Variants in HS6ST3 observed in about 807,000 individuals in gnomAD.
HS6ST3 encodes heparan-sulfate 6-O-sulfotransferase 3.
A neutral mutation model predicts 36.7 loss-of-function variants in HS6ST3; 12 were observed. The ratio of observed to expected loss-of-function variants is 0.33; its 90% confidence interval spans 0.21 to 0.53. The LOEUF is 0.53. Ranked by LOEUF, HS6ST3 falls within the 20% of genes least tolerant of loss-of-function variation. HS6ST3 has a pLI of 0.95. For missense variants in HS6ST3, 584 were observed against 640.9 expected, an observed-to-expected ratio of 0.91 and a Z score of 0.96; for synonymous variants, 240 against 257.5, an observed-to-expected ratio of 0.93 and a Z score of 0.65.
At chr13:96,660,746 C>T (rs2056643429) in intron 1 of HS6ST3, among the ~76,000 whole-genome samples, 1 of 152,042 alleles carries the variant, frequency 6.6e-6, no homozygotes, top group African/African-American at 2.4e-5. Context: ...TAAGTGGCAA[C>T]TTGATTGGAT....
intron 1 of HS6ST3, among the ~76,000 whole-genome samples, chr13:96,807,114 C>T (rs1048233110): frequency 1.3e-5 from 2 of 152,224 alleles, no homozygotes; most frequent in Non-Finnish European, 1.5e-5. Flanking sequence ...GTGAGAATCA[C>T]TTCTGAAGAA....
chr13:96,113,659 T>G (rs1171240742), intron 1 of HS6ST3, among the ~76,000 whole-genome samples: 3 of 152,204 alleles, frequency 2.0e-5, no homozygotes, highest in Admixed American at 2.0e-4. Context: ...AATGGGTTCA[T>G]TTGTAAATTT....
At chr13:96,364,334 G>C (rs2055253144) in intron 1 of HS6ST3, among the ~76,000 whole-genome samples, 1 of 152,084 alleles carries the variant, frequency 6.6e-6, no homozygotes, top group Admixed American at 6.6e-5. Context: ...ATAGTCAAAA[G>C]GTGAAAACAC....
chr13:96,779,787 C>A (rs1039224760), intron 1 of HS6ST3, among the ~76,000 whole-genome samples: 113 of 122,486 alleles, frequency 9.2e-4, no homozygotes, highest in Admixed American at 1.2e-3. Flanking sequence ...AAAAAAAAAA[C>A]ATTGTTCTTA....
At chr13:96,705,657 A>T (rs1875401044) in intron 1 of HS6ST3, among the ~76,000 whole-genome samples, 2 of 152,022 alleles carry the variant, frequency 1.3e-5, no homozygotes, top group Admixed American at 1.3e-4. Context: ...CCTATTTCTC[A>T]TCCTCAAAGG....
At chr13:96,604,989 G>C (rs1381301274) in intron 1 of HS6ST3, among the ~76,000 whole-genome samples, 1 of 152,066 alleles carries the variant, frequency 6.6e-6, no homozygotes, top group Non-Finnish European at 1.5e-5. Context: ...TTGGTGTAGT[G>C]AGAGGTGAAA....
intron 1 of HS6ST3, among the ~76,000 whole-genome samples, chr13:96,489,200 A>G (rs1270420402): frequency 6.6e-6 from 1 of 152,062 alleles, no homozygotes; most frequent in Non-Finnish European, 1.5e-5. Flanking sequence ...ATTTAAGGTT[A>G]TAATTTAACA....
chr13:96,579,342 T>G (rs1189457864), intron 1 of HS6ST3, among the ~76,000 whole-genome samples: 2 of 152,162 alleles, frequency 1.3e-5, no homozygotes, highest in Non-Finnish European at 2.9e-5. Flanking sequence ...TATATGACCT[T>G]CAGTGCAAAG....
At chr13:96,396,087 G>A (rs2055419658) in intron 1 of HS6ST3, among the ~76,000 whole-genome samples, 1 of 152,136 alleles carries the variant, frequency 6.6e-6, no homozygotes, top group Non-Finnish European at 1.5e-5. Flanking sequence ...GCAGAGGTGG[G>A]CGGATCACTT....
intron 1 of HS6ST3, among the ~76,000 whole-genome samples, chr13:96,785,159 AC>A (rs1877617621): frequency 3.3e-5 from 5 of 151,638 alleles, no homozygotes; most frequent in Admixed American, 3.3e-4. Context: ...ACAGAGTGAG[AC>A]CCTGTCTAAA....
At chr13:96,511,408 A>G (rs1453472821) in intron 1 of HS6ST3, among the ~76,000 whole-genome samples, 2 of 152,068 alleles carry the variant, frequency 1.3e-5, no homozygotes, top group Non-Finnish European at 2.9e-5. Context: ...CCAATAGCCC[A>G]CAGTAGGCAG....
chr13:96,314,661 T>C (rs2054959329), intron 1 of HS6ST3, among the ~76,000 whole-genome samples: 1 of 152,164 alleles, frequency 6.6e-6, no homozygotes, highest in Non-Finnish European at 1.5e-5. Flanking sequence ...CAAAAACATA[T>C]TGTGGAATGA....
chr13:96,267,716 A>G (rs2054699162), intron 1 of HS6ST3, among the ~76,000 whole-genome samples: 1 of 152,064 alleles, frequency 6.6e-6, no homozygotes, highest in Non-Finnish European at 1.5e-5. Context: ...ATATTATAAC[A>G]TTAGCAAGAT....
chr13:96,555,165 TAA>T (rs1264468300), intron 1 of HS6ST3, among the ~76,000 whole-genome samples: 2 of 152,178 alleles, frequency 1.3e-5, no homozygotes, highest in African/African-American at 4.8e-5. Context: ...TGAAAATTGC[TAA>T]GAGAGTAGAT....
chr13:96,572,504 G>A (rs1047373714), intron 1 of HS6ST3, among the ~76,000 whole-genome samples: 2 of 151,962 alleles, frequency 1.3e-5, no homozygotes, highest in African/African-American at 4.8e-5. Flanking sequence ...ATTAAAATAG[G>A]CCCTACAGTA....
At chr13:96,563,619 G>A (rs532095170) in intron 1 of HS6ST3, among the ~76,000 whole-genome samples, 21 of 152,296 alleles carry the variant, frequency 1.4e-4, no homozygotes, top group Non-Finnish European at 2.5e-4. Flanking sequence ...TGGTCACAGT[G>A]GGGCAGGCCT....
chr13:96,271,026 A>G (rs1010380149), intron 1 of HS6ST3, among the ~76,000 whole-genome samples: 1 of 151,894 alleles, frequency 6.6e-6, no homozygotes, highest in African/African-American at 2.4e-5. Context: ...CTATTGAGTA[A>G]TTAGGTTTCT....
intron 1 of HS6ST3, among the ~76,000 whole-genome samples, chr13:96,337,110 A>C (rs2055105441): frequency 6.6e-6 from 1 of 152,052 alleles, no homozygotes. Flanking sequence ...TCTGTTGCCC[A>C]GGCTGAAGTG....
intron 1 of HS6ST3, among the ~76,000 whole-genome samples, chr13:96,245,914 A>AG: frequency 6.6e-6 from 1 of 152,232 alleles, no homozygotes; most frequent in Middle Eastern, 3.4e-3. Flanking sequence ...CTGGGATAAT[A>AG]GGGAATATAG....
Sources: allele counts gnomAD v4.1 joint callset (sites outside exome capture counted in the v4.1 genomes callset), GRCh38; gene constraint gnomAD v4.1.1; transcripts MANE v1.5; gene names NCBI Gene and HGNC (gene_info 2026-07-23, HGNC 2026-07-21).